SLC25A16: variants seen among roughly 807,000 people sequenced by gnomAD.
SLC25A16 encodes solute carrier family 25 member 16.
In SLC25A16, 39 loss-of-function variants were observed where a neutral mutation model predicts 41.5. The ratio of observed to expected loss-of-function variants is 0.94; its 90% CI spans 0.73 to 1.23. The LOEUF is 1.23. Ranked by LOEUF, SLC25A16 falls within the 50% of genes most tolerant of loss-of-function variation. SLC25A16 has a pLI of 0.00. For missense variants in SLC25A16, 421 were observed against 426.9 expected, an observed-to-expected ratio of 0.99 and a Z score of 0.12; for synonymous variants, 146 against 147.8, an observed-to-expected ratio of 0.99 and a Z score of 0.09.
rs2052503941 is a variant in SLC25A16, at chr10:68,483,089, A to G, written c.*343T>C. 1 of 164,670 alleles carries G rather than the reference A, an allele frequency of 6.1e-6. No individual in the cohort carries two copies. The highest frequency in any genetic ancestry group is 1.3e-5 in the Non-Finnish European group (1 of 76,594). The allele number at this position is 164,670 out of a possible 1,614,324, so 10.2% of individuals were successfully genotyped here. A position where few individuals can be genotyped will look rare whatever the true frequency, so the allele number is the denominator to read the frequency against. ...AAACACTGTCAGTCTTTTAAAAACC[A>G]TGATAACAATTAAAAACTTTGAACA... On this transcript the variant is annotated 3_prime_UTR_variant, in exon 9 of 9. Transcript: ENST00000609923.
intron 2 of SLC25A16, among the ~76,000 whole-genome samples, chr10:68,509,340 A>G (rs1316226232): frequency 2.6e-5 from 4 of 152,032 alleles, no homozygotes; most frequent in Non-Finnish European, 4.4e-5. Flanking sequence ...TCTGTCTCAA[A>G]AAAACAAAAC....
rs376354470 is a variant in SLC25A16 at position 68,512,059 on chromosome 10, A to T, written c.223+4692T>A. Among the ~76,000 whole-genome samples, 11 of 151,990 alleles carry T rather than the reference A, an allele frequency of 7.2e-5. No homozygotes were observed. The East Asian group carries it at 1.2e-3, about 16-fold the overall frequency. On this transcript the variant is annotated intron_variant, in intron 2 of 8. Transcript: ENST00000609923. ...TTTAGTAGAGACGGGGCTTCACCAT[A>T]TTGGCTAGGCTTACACACGTTTAAT...
chr10:68,483,393 T>A lies in SLC25A16; in HGVS notation c.*39A>T, dbSNP rs765221928. 3 of 1,322,166 alleles carry A rather than the reference T, an allele frequency of 2.3e-6. No homozygotes were observed. 81.9% of individuals were successfully genotyped at this position (1,322,166 alleles called of 1,614,324 possible). A position where few individuals can be genotyped will look rare whatever the true frequency, so the allele number is the denominator to read the frequency against. ...ATTATAGTAATGTTTCATTTCTCCC[T>A]CTGAGAATGTATTAAGAAAAACCAA... On this transcript the variant is annotated 3_prime_UTR_variant, in exon 9 of 9. Transcript: ENST00000609923.
intron 1 of SLC25A16, among the ~76,000 whole-genome samples, chr10:68,520,711 C>G (rs1304625317): frequency 6.6e-6 from 1 of 150,818 alleles, no homozygotes; most frequent in Non-Finnish European, 1.5e-5. Context: ...ACACGGGAGG[C>G]TGAGGCAGGA....
At chr10:68,509,314 G>A (rs1012262243) in intron 2 of SLC25A16, among the ~76,000 whole-genome samples, 2 of 152,118 alleles carry the variant, frequency 1.3e-5, no homozygotes, top group Non-Finnish European at 2.9e-5. Flanking sequence ...TCCAGCCTGG[G>A]CAACAAGAGT....
In SLC25A16 at chr10:68,483,178, A is replaced by C; in HGVS notation, c.*254T>G. 3.6e-6 allele frequency: 1 copy of C among 280,658 alleles called. No individual in the cohort carries two copies. The highest frequency in any genetic ancestry group is 6.6e-6 in the Non-Finnish European group (1 of 151,714). The allele number at this position is 280,658 out of a possible 1,614,324, so 17.4% of individuals were successfully genotyped here. On this transcript the variant is annotated 3_prime_UTR_variant, in exon 9 of 9. Transcript: ENST00000609923. ...TAAAGCTAGTTCTACTTCCAAATAA[A>C]ACTTTAAAGCGGTTTAGCCAGCATC...
At position 68,493,162 on chromosome 10, in the gene SLC25A16, G is replaced by A. The variant is rs1308427470; in HGVS notation, c.580C>T (p.Pro194Ser). 6.3e-7 allele frequency: 1 copy of A among 1,598,342 alleles called. No homozygotes were observed. The highest frequency in any genetic ancestry group is 8.5e-7 in the Non-Finnish European group (1 of 1,175,002). ...TATGGAGCCATTCCTAAAATAGTAG[G>A]CATCAGACCTCTGTAAAATCCAAAG... ...GFFGFYRGLM[P>S]TILGMAPYAG... Residue 194 changes from proline to serine, a missense_variant, in exon 6 of 9, where the codon CCT (proline) becomes TCT (serine). Coordinates refer to ENST00000609923, the MANE Select transcript of SLC25A16 (RefSeq NM_152707.4).
intron 2 of SLC25A16, 90 bp downstream of exon 2, chr10:68,516,661 A>T: frequency 1.2e-6 from 1 of 842,090 alleles, no homozygotes; most frequent in Non-Finnish European, 1.8e-6. Flanking sequence ...CCTCTACTTT[A>T]CTTTTTACAC....
In SLC25A16 at chr10:68,479,575, G is replaced by C. The variant is rs1364666763; in HGVS notation, c.*3857C>G. On this transcript the variant is annotated 3_prime_UTR_variant, in exon 9 of 9. Coordinates refer to ENST00000609923, the MANE Select transcript of SLC25A16 (RefSeq NM_152707.4). ...AGTCCCAGCATTTTGGGAAGTCGGG[G>C]GGGCAGATCACTTGAGGTCAGGTAT... 1 of 152,194 alleles carries C rather than the reference G, an allele frequency of 6.6e-6. No homozygotes were observed. The highest frequency in any genetic ancestry group is 2.1e-4 in the South Asian group (1 of 4,828). 9.4% of individuals were successfully genotyped at this position (152,194 alleles called of 1,614,324 possible). A position where few individuals can be genotyped will look rare whatever the true frequency, so the allele number is the denominator to read the frequency against.
intron 1 of SLC25A16, among the ~76,000 whole-genome samples, chr10:68,522,372 G>A (rs1008767504): frequency 4.0e-5 from 6 of 151,728 alleles, no homozygotes; most frequent in African/African-American, 1.5e-4. Flanking sequence ...TGAGAGGAGA[G>A]GATTGTCAAA....
At chr10:68,519,916 A>C (rs1349472839) in intron 1 of SLC25A16, among the ~76,000 whole-genome samples, 1 of 150,794 alleles carries the variant, frequency 6.6e-6, no homozygotes, top group Non-Finnish European at 1.5e-5. Context: ...ACTCCGTCTC[A>C]AAAAAAAAGA....
At chr10:68,509,719 A>ATC (rs1564922924) in intron 2 of SLC25A16, among the ~76,000 whole-genome samples, 2 of 143,272 alleles carry the variant, frequency 1.4e-5, no homozygotes, top group African/African-American at 5.3e-5. Flanking sequence ...AAAAATCTAT[A>ATC]TATCTATCTA....
At chr10:68,527,090 A>G (rs2053348982) in intron 1 of SLC25A16, among the ~76,000 whole-genome samples, 156 bp downstream of exon 1, 1 of 152,204 alleles carries the variant, frequency 6.6e-6, no homozygotes, top group Non-Finnish European at 1.5e-5. Flanking sequence ...TCAAGTGATT[A>G]CTAGAAAGAG....
At chr10:68,519,883 C>G (rs532250211) in intron 1 of SLC25A16, among the ~76,000 whole-genome samples, 6 of 151,480 alleles carry the variant, frequency 4.0e-5, no homozygotes, top group Middle Eastern at 3.4e-3. Flanking sequence ...TCACTGCACT[C>G]CAGCCTGGGC....
intron 3 of SLC25A16, among the ~76,000 whole-genome samples, chr10:68,504,140 C>T (rs2133549832): frequency 6.7e-6 from 1 of 149,536 alleles, no homozygotes; most frequent in East Asian, 2.0e-4. Flanking sequence ...CCTCGGCCTC[C>T]CAAGTAGCTG....
At chr10:68,495,781 CAAAAAAAAA>C (rs60845242) in intron 4 of SLC25A16, among the ~76,000 whole-genome samples, 3 of 89,632 alleles carry the variant, frequency 3.3e-5, no homozygotes, top group Non-Finnish European at 4.2e-5. Flanking sequence ...GACTATGTCT[CAAAAAAAAA>C]AAAAAAAAAA....
At chr10:68,490,456 C>T (rs1202679032) in intron 6 of SLC25A16, among the ~76,000 whole-genome samples, 1 of 151,822 alleles carries the variant, frequency 6.6e-6, no homozygotes, top group Non-Finnish European at 1.5e-5. Flanking sequence ...GATTCTCTTG[C>T]CTCAGCCTCC....
At chr10:68,524,796 T>C (rs573844835) in intron 1 of SLC25A16, among the ~76,000 whole-genome samples, 27 of 151,826 alleles carry the variant, frequency 1.8e-4, no homozygotes, top group Non-Finnish European at 3.5e-4. Context: ...GTAAATCACT[T>C]GAACCCGGAT....
At chr10:68,513,406 CAA>C (rs1266974459) in intron 2 of SLC25A16, among the ~76,000 whole-genome samples, 3 of 58,586 alleles carry the variant, frequency 5.1e-5, no homozygotes, top group African/African-American at 5.9e-5. Context: ...AAGACCATCT[CAA>C]AAAAAAAAAA....
Sources: allele counts gnomAD v4.1 joint callset (sites outside exome capture counted in the v4.1 genomes callset), GRCh38; gene constraint gnomAD v4.1.1; transcripts MANE v1.5; gene names NCBI Gene and HGNC (gene_info 2026-07-23, HGNC 2026-07-21).